DYNC1LI1: variants seen among roughly 807,000 people sequenced by gnomAD.
DYNC1LI1 encodes dynein cytoplasmic 1 light intermediate chain 1, also known as cytoplasmic dynein 1 light intermediate chain 1.
In DYNC1LI1, 19 loss-of-function variants were observed where a neutral mutation model predicts 63.8. That is an observed-to-expected ratio of 0.30 (90% CI 0.21 to 0.44). The LOEUF is 0.44. DYNC1LI1 is among the 20% of genes least tolerant of loss of function. The pLI, the probability that DYNC1LI1 is intolerant of heterozygous loss-of-function variation, is 1.00. For missense variants in DYNC1LI1, 565 were observed against 630.2 expected (o/e 0.90, Z 1.11); for synonymous variants, 225 against 232.3 (o/e 0.97, Z 0.28).
At chr3:32,570,525 G>T in intron 1 of DYNC1LI1, 100 bp downstream of exon 1, 1 of 1,482,668 alleles carries the variant, frequency 6.7e-7, no homozygotes, top group Non-Finnish European at 9.0e-7. Context: ...GGAACGCAGT[G>T]GCCGGGCCCG....
intron 2 of DYNC1LI1, among the ~76,000 whole-genome samples, chr3:32,547,425 T>C (rs1341365133): frequency 2.0e-5 from 3 of 152,188 alleles, no homozygotes; most frequent in African/African-American, 7.2e-5. Context: ...TGAAGATCTA[T>C]GAGTTCTCTA....
At chr3:32,542,194 C>T (rs9811061) in intron 4 of DYNC1LI1, among the ~76,000 whole-genome samples, 7,090 of 152,180 alleles carry the variant, frequency 0.047, 586 homozygotes, top group African/African-American at 0.16. Context: ...TGGCTCACTA[C>T]AGCCCTGACC....
At chr3:32,555,943 G>GT (rs902878333) in intron 2 of DYNC1LI1, among the ~76,000 whole-genome samples, 3 of 152,120 alleles carry the variant, frequency 2.0e-5, no homozygotes, top group African/African-American at 7.2e-5. Flanking sequence ...TGGAATTTTC[G>GT]TAAGATGTGA....
At chr3:32,567,597 G>C (rs555170258) in intron 2 of DYNC1LI1, among the ~76,000 whole-genome samples, 4 of 151,808 alleles carry the variant, frequency 2.6e-5, no homozygotes, top group African/African-American at 9.7e-5. Context: ...GGAGTGCAAT[G>C]GCGTAATCTC....
intron 5 of DYNC1LI1, among the ~76,000 whole-genome samples, chr3:32,540,120 C>CA (rs1188552374): frequency 2.0e-5 from 3 of 151,934 alleles, no homozygotes; most frequent in Non-Finnish European, 4.4e-5. Flanking sequence ...CCACCCGCCT[C>CA]AGCCTCCCAA....
In DYNC1LI1 at chr3:32,537,899, TA is replaced by T. The variant is rs1559436041; in HGVS notation, c.739-796del. On this transcript the variant is annotated intron_variant, in intron 5 of 12. Coordinates refer to ENST00000273130, the MANE Select transcript of DYNC1LI1 (RefSeq NM_016141.4). ...TATATATATATATAATTTATATATA[TA>T]ATATATATATATAATTTATATATAT... 6.9e-3 allele frequency among the ~76,000 whole-genome samples: 588 copies of T among 85,446 alleles called. 30 individuals are homozygous for T. Among genetic ancestry groups the T allele is most frequent in the African/African-American group, 0.024 (482 of 20,376 alleles). The allele number at this position is 85,446 out of a possible 152,430, so 56.1% of individuals were successfully genotyped here.
intron 2 of DYNC1LI1, among the ~76,000 whole-genome samples, chr3:32,564,405 T>A (rs1028173894): frequency 3.3e-5 from 5 of 152,258 alleles, no homozygotes; most frequent in Non-Finnish European, 5.9e-5. Flanking sequence ...TGCCTGTTTT[T>A]ATAAATAAAG....
intron 2 of DYNC1LI1, among the ~76,000 whole-genome samples, chr3:32,549,961 A>G (rs9815400): frequency 0.031 from 4,763 of 152,334 alleles, 254 homozygotes; most frequent in African/African-American, 0.11. Context: ...ATGCATAAGC[A>G]AAAGAATAGA....
intron 2 of DYNC1LI1, among the ~76,000 whole-genome samples, chr3:32,567,455 A>G (rs1698282418): frequency 6.6e-6 from 1 of 152,250 alleles, no homozygotes; most frequent in African/African-American, 2.4e-5. Flanking sequence ...ACTTAGGGCT[A>G]TATCATTGTT....
intron 2 of DYNC1LI1, among the ~76,000 whole-genome samples, chr3:32,554,863 A>ATTTTTTTTTTT (rs11434502): frequency 2.9e-5 from 3 of 104,724 alleles, no homozygotes; most frequent in African/African-American, 3.9e-5. Flanking sequence ...AAATTTTTGA[A>ATTTTTTTTTTT]TTTTTTTTTT....
rs1264559383 is a variant in DYNC1LI1, at chr3:32,533,002, T to G, written c.1064A>C (p.Lys355Thr). ...AATGGTTACCTTTCGAACAGGTGGT[T>G]TAGTTATGATGTCTTCAAAATTATC... ...AEDNFEDIITKPPVRKFVHEK... is the reference protein window; with the variant it reads ...AEDNFEDIITTPPVRKFVHEK... The change falls in exon 8 of 13, where the codon AAA becomes ACA. Residue 355 changes from lysine to threonine, a missense_variant. Physicochemically the swap from Lys to Thr is moderately conservative, Grantham distance 78 (BLOSUM62 -1). Transcript: ENST00000273130. 5.7e-6 allele frequency: 9 copies of G among 1,584,250 alleles called. No individual in the cohort carries two copies. Among genetic ancestry groups the G allele is most frequent in the African/African-American group, 4.1e-5 (3 of 72,866 alleles).
chr3:32,541,174 C>G lies in DYNC1LI1; in HGVS notation c.601G>C (p.Gly201Arg). 6.2e-7 allele frequency: 1 copy of G among 1,612,218 alleles called. No homozygotes were observed. Among genetic ancestry groups the G allele is most frequent in the Non-Finnish European group, 8.5e-7 (1 of 1,178,996 alleles). ...TGGGGAGAAGCCGGGAAGTCTTCTC[C>G]TGGCTCTACATATTCTTGGAAGTCT... ...IRDFQEYVEP[G>R]EDFPASPQRR... The change falls in exon 5 of 13, where the codon GGA becomes CGA. Residue 201 changes from glycine to arginine, a missense_variant. Coordinates refer to ENST00000273130, the MANE Select transcript of DYNC1LI1 (RefSeq NM_016141.4).
chr3:32,553,872 T>C (rs1698076685), intron 2 of DYNC1LI1, among the ~76,000 whole-genome samples: 1 of 152,244 alleles, frequency 6.6e-6, no homozygotes, highest in East Asian at 1.9e-4. Flanking sequence ...ACATTCTTCC[T>C]AATACTCAAC....
At chr3:32,570,098 C>CT in intron 2 of DYNC1LI1, 3 of 633,230 alleles carry the variant, frequency 4.7e-6, no homozygotes, top group Non-Finnish European at 5.7e-6. Context: ...CCAGGGGAAG[C>CT]TGTCAGGGCC....
Position 32,530,491 on chromosome 3 carries a change from T to A in DYNC1LI1, c.1110A>T (p.Glu370Asp), listed in dbSNP as rs1377991561. ...KFVHEKEIMAEDDQVFLMKLQ... is the reference protein window; with the variant it reads ...KFVHEKEIMADDDQVFLMKLQ... ...GCTTCATAAGAAACACCTGATCATC[T>A]TCTGCCATAATTTCCTTCTCATGTA... Residue 370 changes from glutamate (E) to aspartate (D), a missense_variant, in exon 9 of 13, where the codon GAA becomes GAT. Physicochemically the swap from Glu to Asp is conservative, Grantham distance 45 (BLOSUM62 2). Coordinates refer to ENST00000273130, the MANE Select transcript of DYNC1LI1 (RefSeq NM_016141.4). 6.2e-7 allele frequency: 1 copy of A among 1,613,406 alleles called. No homozygotes were observed. Among genetic ancestry groups the A allele is most frequent in the Non-Finnish European group, 8.5e-7 (1 of 1,179,896 alleles).
At chr3:32,529,110 A>G (rs1443049002) in intron 11 of DYNC1LI1, among the ~76,000 whole-genome samples, 4 of 152,220 alleles carry the variant, frequency 2.6e-5, no homozygotes, top group Admixed American at 2.6e-4. Flanking sequence ...GCAACACTCA[A>G]TGTTGATGAT....
At chr3:32,553,463 T>C (rs928710495) in intron 2 of DYNC1LI1, among the ~76,000 whole-genome samples, 1 of 152,318 alleles carries the variant, frequency 6.6e-6, no homozygotes, top group Non-Finnish European at 1.5e-5. Context: ...TTACCTACTT[T>C]GAGAGTATTT....
intron 2 of DYNC1LI1, among the ~76,000 whole-genome samples, chr3:32,549,551 C>T (rs1698004032): frequency 6.6e-6 from 1 of 151,946 alleles, no homozygotes; most frequent in African/African-American, 2.4e-5. Context: ...AAGTAAAAAC[C>T]TAGTGCCCAG....
At chr3:32,549,065 C>A (rs942423350) in intron 2 of DYNC1LI1, among the ~76,000 whole-genome samples, 3 of 151,794 alleles carry the variant, frequency 2.0e-5, no homozygotes, top group African/African-American at 7.3e-5. Context: ...AAAAATATTT[C>A]TTTCTATTAC....
Sources: allele counts gnomAD v4.1 joint callset (sites outside exome capture counted in the v4.1 genomes callset), GRCh38; gene constraint gnomAD v4.1.1; transcripts MANE v1.5; gene names NCBI Gene and HGNC (gene_info 2026-07-23, HGNC 2026-07-21).